SLC2A12: variants seen among roughly 807,000 people sequenced by gnomAD.
The protein encoded by SLC2A12 is solute carrier family 2 member 12.
In SLC2A12, 23 loss-of-function variants were observed where a neutral mutation model predicts 41.8. The observed-to-expected ratio is 0.55, with a 90% CI of 0.40 to 0.78. SLC2A12 has a LOEUF of 0.78. Ranked by LOEUF, SLC2A12 falls within the 30% of genes least tolerant of loss-of-function variation. The probability of loss-of-function intolerance (pLI) is 0.00; values close to 1 mark genes in which losing one functional copy is unlikely to be tolerated. For missense variants in SLC2A12, 654 were observed against 745.6 expected (o/e 0.88, Z 1.43); for synonymous variants, 295 against 285.9 (o/e 1.03, Z -0.32).
chr6:134,021,931 G>A (rs1172527960), intron 2 of SLC2A12, among the ~76,000 whole-genome samples: 5 of 152,220 alleles, frequency 3.3e-5, no homozygotes, highest in Non-Finnish European at 5.9e-5. Flanking sequence ...TGGGTGTGGA[G>A]CAGTGGGGAA....
chr6:134,047,941 C>A (rs899778893), intron 1 of SLC2A12, among the ~76,000 whole-genome samples: 1 of 152,230 alleles, frequency 6.6e-6, no homozygotes, highest in African/African-American at 2.4e-5. Context: ...TCTGCTGCTG[C>A]TTCAGAGCCT....
chr6:133,991,914 C>T (rs1387933333), intron 4 of SLC2A12, among the ~76,000 whole-genome samples: 2 of 152,076 alleles, frequency 1.3e-5, no homozygotes, highest in Non-Finnish European at 2.9e-5. Context: ...GGGAGACGAG[C>T]TTATAACTTG....
chr6:134,011,181 T>C (rs1181558715), intron 2 of SLC2A12, among the ~76,000 whole-genome samples: 2 of 152,200 alleles, frequency 1.3e-5, no homozygotes, highest in Admixed American at 6.5e-5. Context: ...TTGGTTTTTA[T>C]TGCCTTTGTA....
chr6:134,047,434 A>G (rs1007837367), intron 1 of SLC2A12, among the ~76,000 whole-genome samples: 4 of 152,198 alleles, frequency 2.6e-5, no homozygotes, highest in African/African-American at 9.6e-5. Flanking sequence ...TTCTTGAATG[A>G]ATAATAAAAT....
At chr6:134,046,538 C>T (rs896461050) in intron 1 of SLC2A12, among the ~76,000 whole-genome samples, 20 of 152,106 alleles carry the variant, frequency 1.3e-4, no homozygotes, top group Non-Finnish European at 2.4e-4. Flanking sequence ...CGGTGCCTCA[C>T]GCCTATAATC....
In SLC2A12 at chr6:134,029,025, T is replaced by C; in HGVS notation, c.800A>G (p.Asp267Gly). The C allele has an allele frequency of 6.2e-7, 1 of 1,614,206 alleles. No individual in the cohort carries two copies. Among genetic ancestry groups the C allele is most frequent in the Non-Finnish European group, 8.5e-7 (1 of 1,180,040 alleles). ...CATGTTGTCTTTTGAACGAAACAGA[T>C]CCCAAAAACTGTACTGATATTCATC... ...LKDEYQYSFW[D>G]LFRSKDNMRT... The change falls in exon 2 of 5, where the codon GAT (aspartate) becomes GGT (glycine). Residue 267 changes from aspartate to glycine, a missense_variant. By Grantham distance (94) the Asp-to-Gly change is moderately conservative. Coordinates refer to ENST00000275230, the MANE Select transcript of SLC2A12 (RefSeq NM_145176.3).
chr6:134,048,205 G>A (rs140206647), intron 1 of SLC2A12, among the ~76,000 whole-genome samples: 49 of 152,238 alleles, frequency 3.2e-4, no homozygotes, highest in Non-Finnish European at 4.4e-4. Context: ...ACAGAGATAC[G>A]CTGACTGGAC....
chr6:134,016,072 G>T (rs140948703), intron 2 of SLC2A12, among the ~76,000 whole-genome samples: 1 of 152,078 alleles, frequency 6.6e-6, no homozygotes, highest in African/African-American at 2.4e-5. Flanking sequence ...CCAGTTCTCC[G>T]TAGGTCTCTC....
rs1293627286 is a variant in SLC2A12, at chr6:133,989,639, T to A, written c.*1516A>T. 6.6e-6 allele frequency: 1 copy of A among 152,194 alleles called. No homozygotes were observed. The highest frequency in any genetic ancestry group is 2.4e-5 in the African/African-American group (1 of 41,442). 9.4% of individuals were successfully genotyped at this position (152,194 alleles called of 1,614,324 possible). A position where few individuals can be genotyped will look rare whatever the true frequency, so the allele number is the denominator to read the frequency against. On this transcript the variant is annotated 3_prime_UTR_variant, in exon 5 of 5. Coordinates refer to ENST00000275230, the MANE Select transcript of SLC2A12 (RefSeq NM_145176.3). ...TCCTTTTAGCTTCCCCCTGCCAATT[T>A]TTATACAGATAATACACTGCAGATC...
In SLC2A12 at chr6:134,029,685, G is replaced by A; in HGVS notation, c.140C>T (p.Ala47Val). The A allele has an allele frequency of 3.1e-6, 5 of 1,607,858 alleles. No individual in the cohort carries two copies. The highest frequency in any genetic ancestry group is 4.2e-6 in the Non-Finnish European group (5 of 1,178,652). ...ACCCACCAGGAGGCCACTGACAGCA[G>A]CAGTGACAGATGACAGGAAGGTAAA... ...GMFTFLSSVTAAVSGLLVGYE... is the reference protein window; with the variant it reads ...GMFTFLSSVTVAVSGLLVGYE... The change falls in exon 2 of 5, where the codon GCT (alanine) becomes GTT (valine). Residue 47 changes from alanine (A) to valine (V), a missense_variant. This residue lies in a region of SLC2A12 where 109 missense variants were observed against 153.0 expected (regional missense o/e 0.71). Transcript: ENST00000275230.
intron 2 of SLC2A12, among the ~76,000 whole-genome samples, chr6:134,015,138 A>T (rs1377555547): frequency 6.6e-6 from 1 of 152,254 alleles, no homozygotes; most frequent in Non-Finnish European, 1.5e-5. Flanking sequence ...GAAATTTAAG[A>T]TTTAAAGGGA....
intron 2 of SLC2A12, among the ~76,000 whole-genome samples, chr6:134,021,354 C>T (rs185402802): frequency 6.6e-6 from 1 of 152,306 alleles, no homozygotes; most frequent in East Asian, 1.9e-4. Context: ...TAAACAGACT[C>T]ATGCTGTGCT....
chr6:134,019,598 C>G (rs10499187), intron 2 of SLC2A12, among the ~76,000 whole-genome samples: 2 of 151,962 alleles, frequency 1.3e-5, no homozygotes, highest in African/African-American at 2.4e-5. Context: ...GTTTGACATA[C>G]GGGTTTTAAT....
intron 3 of SLC2A12, among the ~76,000 whole-genome samples, chr6:134,005,531 G>A (rs111386945): frequency 5.3e-5 from 8 of 151,252 alleles, no homozygotes; most frequent in South Asian, 2.1e-4. Flanking sequence ...TTGGTGGTGC[G>A]CACCTGTAGT....
intron 2 of SLC2A12, among the ~76,000 whole-genome samples, chr6:134,027,216 T>C (rs185853497): frequency 5.3e-5 from 8 of 152,306 alleles, no homozygotes; most frequent in Admixed American, 5.2e-4. Context: ...CAATACATAT[T>C]GCTTGAATTA....
Position 134,052,530 on chromosome 6 carries a change from A to C in SLC2A12, c.-50T>G. On this transcript the variant is annotated 5_prime_UTR_variant, in exon 1 of 5. Coordinates refer to ENST00000275230, the MANE Select transcript of SLC2A12 (RefSeq NM_145176.3). ...TCCCCGCCACCAAACCGCCCCGACC[A>C]CCCCCGCTCCCAGGAGTGGTCACTT... 6.8e-7 allele frequency: 1 copy of C among 1,460,994 alleles called. No individual in the cohort carries two copies. Among genetic ancestry groups the C allele is most frequent in the Non-Finnish European group, 9.5e-7 (1 of 1,048,882 alleles). The allele number at this position is 1,460,994 out of a possible 1,614,324, so 90.5% of individuals were successfully genotyped here.
intron 2 of SLC2A12, among the ~76,000 whole-genome samples, chr6:134,016,554 T>A (rs1210373427): frequency 6.6e-6 from 1 of 152,006 alleles, no homozygotes; most frequent in East Asian, 1.9e-4. Flanking sequence ...GTGTTTTTTG[T>A]CAACATCATT....
chr6:134,025,799 G>C (rs970808087), intron 2 of SLC2A12, among the ~76,000 whole-genome samples: 6 of 152,128 alleles, frequency 3.9e-5, no homozygotes, highest in African/African-American at 1.4e-4. Flanking sequence ...CACCAGCCTC[G>C]GCCTCCCAAA....
intron 2 of SLC2A12, among the ~76,000 whole-genome samples, chr6:134,022,846 T>A (rs532930728): frequency 6.6e-6 from 1 of 152,224 alleles, no homozygotes; most frequent in Non-Finnish European, 1.5e-5. Context: ...CTGCACGTAC[T>A]ACATGATTTT....
Sources: allele counts gnomAD v4.1 joint callset (sites outside exome capture counted in the v4.1 genomes callset), GRCh38; gene constraint gnomAD v4.1.1; regional missense constraint gnomAD v4.1.1; transcripts MANE v1.5; gene names NCBI Gene and HGNC (gene_info 2026-07-23, HGNC 2026-07-21).